Variants in CPLX1 observed in about 807,000 individuals in gnomAD.
CPLX1 encodes the protein complexin-1.
Under a neutral mutation model 15.6 loss-of-function variants are expected in CPLX1, and 6 were observed. The ratio of observed to expected loss-of-function variants is 0.39; its 90% CI spans 0.21 to 0.76. CPLX1 has a LOEUF of 0.76. Among genes scored for constraint, CPLX1 ranks in the 30% least tolerant of loss-of-function variants. The pLI, the probability that CPLX1 is intolerant of heterozygous loss-of-function variation, is 0.43. For missense variants in CPLX1, 242 were observed against 188.6 expected, an observed-to-expected ratio of 1.28 and a Z score of -1.66; for synonymous variants, 91 against 75.2, an observed-to-expected ratio of 1.21 and a Z score of -1.08.
intron 2 of CPLX1, chr4:804,842 C>A: frequency 1.0e-6 from 1 of 982,634 alleles, no homozygotes; most frequent in Non-Finnish European, 1.2e-6. Context: ...TGGGGAGCGA[C>A]GTGCTCAGCC....
Position 799,301 on chromosome 4 carries a change from C to T in CPLX1, c.32-6693G>A, listed in dbSNP as rs1395252905. Among the ~76,000 whole-genome samples, 7 of 152,332 alleles carry T rather than the reference C, an allele frequency of 4.6e-5. No individual in the cohort carries two copies. In the South Asian group the frequency reaches 6.2e-4, roughly 14 times the overall value. ...ACCCTTTTCATCGGTCGCATTTCTA[C>T]GGGGACGTCCATGCTTCTTCCACCA... On this transcript the variant is annotated intron_variant, in intron 2 of 3. Coordinates refer to ENST00000304062, the MANE Select transcript of CPLX1 (RefSeq NM_006651.4).
At chr4:787,152 G>A (rs1173855628) in intron 3 of CPLX1, 2 of 985,286 alleles carry the variant, frequency 2.0e-6, no homozygotes, top group African/African-American at 1.7e-5. Context: ...CACACTCCCG[G>A]GCCTGGCCAA....
At chr4:795,305 G>C (rs1746299021) in intron 2 of CPLX1, among the ~76,000 whole-genome samples, 1 of 152,262 alleles carries the variant, frequency 6.6e-6, no homozygotes, top group Non-Finnish European at 1.5e-5. Context: ...GACCGGCGCA[G>C]AACGGGCGGC....
chr4:786,961 A>G (rs1746013960), intron 3 of CPLX1: 2 of 985,106 alleles, frequency 2.0e-6, no homozygotes, highest in Non-Finnish European at 2.4e-6. Context: ...CCTTGAGAGG[A>G]GAGAGGGCTG....
intron 2 of CPLX1, among the ~76,000 whole-genome samples, chr4:803,091 T>C (rs1418626533): frequency 6.6e-6 from 1 of 152,284 alleles, no homozygotes; most frequent in East Asian, 1.9e-4. Context: ...AGGAACTTCA[T>C]TGCCATCTTA....
chr4:787,828 G>A, intron 3 of CPLX1: 1 of 985,408 alleles, frequency 1.0e-6, no homozygotes, highest in Non-Finnish European at 1.2e-6. Context: ...TCATGGTCAG[G>A]CCACGGAACT....
intron 3 of CPLX1, among the ~76,000 whole-genome samples, chr4:789,026 A>C (rs1746087378): frequency 2.0e-5 from 3 of 152,158 alleles, no homozygotes; most frequent in Admixed American, 2.0e-4. Context: ...AGGCCCTGCC[A>C]CCAGGTTGTG....
chr4:786,837 A>G, intron 3 of CPLX1, 139 bp from the exon 4 acceptor site: 2 of 1,388,990 alleles, frequency 1.4e-6, no homozygotes, highest in Non-Finnish European at 1.9e-6. Flanking sequence ...CAAGGACCCC[A>G]GAAGGAGAAG....
At chr4:793,377 A>G (rs1386067418) in intron 2 of CPLX1, among the ~76,000 whole-genome samples, 1 of 152,102 alleles carries the variant, frequency 6.6e-6, no homozygotes, top group Non-Finnish European at 1.5e-5. Context: ...CCAGGCCCTA[A>G]TTGCTCTGCG....
intron 2 of CPLX1, among the ~76,000 whole-genome samples, chr4:810,700 CTT>C (rs535814622): frequency 6.9e-6 from 1 of 144,798 alleles, no homozygotes. Context: ...TTTTCTTTTT[CTT>C]TTTTTTTTTT....
chr4:800,433 G>A (rs1027812227), intron 2 of CPLX1, among the ~76,000 whole-genome samples: 70 of 151,738 alleles, frequency 4.6e-4, no homozygotes, highest in African/African-American at 1.6e-3. Flanking sequence ...TCAGGAGTTC[G>A]AGACCAGCCT....
chr4:787,762 C>T, intron 3 of CPLX1: 3 of 985,282 alleles, frequency 3.0e-6, no homozygotes, highest in Non-Finnish European at 3.6e-6. Context: ...CAATACGCCT[C>T]CCCACGCCAC....
chr4:811,103 G>A (rs1033382077), intron 2 of CPLX1, among the ~76,000 whole-genome samples: 2 of 152,126 alleles, frequency 1.3e-5, no homozygotes, highest in Admixed American at 6.6e-5. Flanking sequence ...GGGCTTAAGT[G>A]ATCCTCCCAC....
intron 2 of CPLX1, among the ~76,000 whole-genome samples, chr4:800,335 C>T (rs1052236284): frequency 6.6e-6 from 1 of 152,056 alleles, no homozygotes; most frequent in Admixed American, 6.6e-5. Context: ...GCAAACCACA[C>T]ATCTGATAAA....
chr4:821,904 G>A (rs561995882), intron 2 of CPLX1, among the ~76,000 whole-genome samples: 15 of 152,246 alleles, frequency 9.9e-5, no homozygotes, highest in Admixed American at 3.3e-4. Context: ...GACAGCCCCC[G>A]AATGGTCTTG....
intron 2 of CPLX1, among the ~76,000 whole-genome samples, chr4:811,403 C>T (rs530752562): frequency 1.1e-4 from 16 of 152,232 alleles, no homozygotes; most frequent in African/African-American, 3.4e-4. Flanking sequence ...TCCTTAGCCT[C>T]GCAAAGTGTT....
chr4:804,951 G>A (rs1746527469), intron 2 of CPLX1: 14 of 984,304 alleles, frequency 1.4e-5, no homozygotes, highest in Non-Finnish European at 1.4e-5. Context: ...AGTTCACCCG[G>A]CGTCCCACTC....
chr4:814,565 C>T (rs1746714983), intron 2 of CPLX1, among the ~76,000 whole-genome samples: 1 of 152,168 alleles, frequency 6.6e-6, no homozygotes, highest in South Asian at 2.1e-4. Context: ...GGAGGATGGC[C>T]CCCGCGACTC....
chr4:808,356 C>T (rs77943567), intron 2 of CPLX1, among the ~76,000 whole-genome samples: 3,350 of 152,288 alleles, frequency 0.022, 61 homozygotes, highest in Non-Finnish European at 0.035. Flanking sequence ...TACCACATCT[C>T]CAGGAACTGG....
Sources: gnomAD v4.1 joint callset for allele counts (sites outside exome capture counted in the v4.1 genomes callset) on GRCh38, gnomAD v4.1.1 for gene constraint, MANE v1.5 for transcripts, NCBI Gene and HGNC (gene_info 2026-07-23, HGNC 2026-07-21) for gene names.